Variants in CLIP3 observed in about 807,000 individuals in gnomAD.
The protein encoded by CLIP3 is CAP-Gly domain-containing linker protein 3.
In CLIP3, 15 loss-of-function variants were observed where a neutral mutation model predicts 59.4. The ratio of observed to expected loss-of-function variants is 0.25; its 90% CI spans 0.17 to 0.39. CLIP3 has a LOEUF of 0.39. CLIP3 is among the 10% of genes least tolerant of loss of function. The probability of loss-of-function intolerance (pLI) is 1.00; values close to 1 mark genes in which losing one functional copy is unlikely to be tolerated. For synonymous variants in CLIP3, 300 were observed against 321.6 expected, an observed-to-expected ratio of 0.93 and a Z score of 0.72; for missense variants, 495 against 765.7, an observed-to-expected ratio of 0.65 and a Z score of 4.17.
Position 36,026,944 on chromosome 19 carries a change from GC to G in CLIP3, c.400+7del. 4 of 1,532,944 alleles carry G rather than the reference GC, an allele frequency of 2.6e-6. No homozygotes were observed. Among genetic ancestry groups the G allele is most frequent in the Non-Finnish European group, 3.5e-6 (4 of 1,142,560 alleles). The allele number at this position is 1,532,944 out of a possible 1,614,324, so 95.0% of individuals were successfully genotyped here. ...GGGGCTTATGACTTGGGGGTAGGGG[GC>G]CCTCACCGACTCCGTGGGCCCCAGC... On this transcript the variant is annotated splice_region_variant and intron_variant, in intron 4 of 13. Coordinates refer to ENST00000360535, the MANE Select transcript of CLIP3 (RefSeq NM_015526.3). The surrounding 1 kb of genome is among the most constrained non-coding windows in gnomAD (Gnocchi z 6.3).
chr19:36,018,945 C>A lies in CLIP3; in HGVS notation c.1136G>T (p.Arg379Leu). ...GCCGGTGACACGGGAGAAGTCCATC[C>A]GGGGGGTCCGGGGTGTGGAGGTGAC... ...SSVTSTPRTPRMDFSRVTGKG... is the reference protein window; with the variant it reads ...SSVTSTPRTPLMDFSRVTGKG... The change falls in exon 9 of 14, where the codon CGG becomes CTG. Residue 379 changes from arginine (R) to leucine (L), a missense_variant. Physicochemically the swap from Arg to Leu is moderately radical, Grantham distance 102. Transcript: ENST00000360535. The A allele has an allele frequency of 6.2e-7, 1 of 1,611,988 alleles. No individual in the cohort carries two copies. Among genetic ancestry groups the A allele is most frequent in the Non-Finnish European group, 8.5e-7 (1 of 1,178,982 alleles).
chr19:36,028,530 T>C (rs1189858519), intron 2 of CLIP3, among the ~76,000 whole-genome samples: 4 of 152,058 alleles, frequency 2.6e-5, no homozygotes. Flanking sequence ...ACTCAGTGCG[T>C]GGTGAATGAA....
chr19:36,032,317 C>G lies in CLIP3; in HGVS notation c.41G>C (p.Arg14Pro). 1 of 1,273,498 alleles carries G rather than the reference C, an allele frequency of 7.9e-7. No homozygotes were observed. Among genetic ancestry groups the G allele is most frequent in the African/African-American group, 1.5e-5 (1 of 64,902 alleles). The allele number at this position is 1,273,498 out of a possible 1,614,324, so 78.9% of individuals were successfully genotyped here. The change falls in exon 2 of 14, where the codon CGA (arginine) becomes CCA (proline). Residue 14 changes from arginine (R) to proline (P), a missense_variant. By Grantham distance (103) the Arg-to-Pro change is moderately radical. Transcript: ENST00000360535. The surrounding 1 kb of genome is among the most constrained non-coding windows in gnomAD (Gnocchi z 4.3). ...CTCCTCCTCTTCTTCCTCCTCTCCT[C>G]GGGGTGGCGGGGCCATCGGGGCAGG... ...TDPAPMAPPP[R>P]GEEEEEEEED...
At chr19:36,021,740 A>G (rs572878690) in intron 7 of CLIP3, among the ~76,000 whole-genome samples, 12 of 152,066 alleles carry the variant, frequency 7.9e-5, no homozygotes, top group Non-Finnish European at 1.3e-4. Context: ...TTTTTAACAC[A>G]TGTAAACTTG....
At position 36,022,913 on chromosome 19, in the gene CLIP3, G is replaced by A. The variant is rs375843433; in HGVS notation, c.918+1483C>T. On this transcript the variant is annotated intron_variant, in intron 7 of 13. Transcript: ENST00000360535. ...TACTAAAAATACAAATAATTAGCCA[G>A]GCATGGTGGTGGGCACCTGTAGTCC... 7.9e-5 allele frequency among the ~76,000 whole-genome samples: 12 copies of A among 152,262 alleles called. No homozygotes were observed. The South Asian group carries it at 1.9e-3, about 24-fold the overall frequency.
intron 7 of CLIP3, 44 bp downstream of exon 7, chr19:36,024,352 T>TG: frequency 6.6e-7 from 1 of 1,525,722 alleles, no homozygotes; most frequent in Non-Finnish European, 9.0e-7. Flanking sequence ...AGGGGCTGAG[T>TG]CCCACCCCCA....
Position 36,032,268 on chromosome 19 carries a change from G to A in CLIP3, c.90C>T (p.Ala30=). The A allele has an allele frequency of 7.7e-7, 1 of 1,299,862 alleles. No individual in the cohort carries two copies. Among genetic ancestry groups the A allele is most frequent in the Non-Finnish European group, 9.9e-7 (1 of 1,014,588 alleles). The allele number at this position is 1,299,862 out of a possible 1,614,324, so 80.5% of individuals were successfully genotyped here. A position where few individuals can be genotyped will look rare whatever the true frequency, so the allele number is the denominator to read the frequency against. Residue 30 remains alanine (A), a synonymous_variant, in exon 2 of 14, where the codon GCC becomes GCT. Coordinates refer to ENST00000360535, the MANE Select transcript of CLIP3 (RefSeq NM_015526.3). This position sits in a 1 kb window ranked among gnomAD's most constrained non-coding sequence, Gnocchi z 4.3. ...EEEEDEPVPE[A]PSPTQERRQK... ...GCCGGCGCTCCTGGGTGGGGCTGGGGGCCTCGGGGACGGGTTCATCCTCCT... is the reference window on the plus strand; with the variant it reads ...GCCGGCGCTCCTGGGTGGGGCTGGGAGCCTCGGGGACGGGTTCATCCTCCT...
At chr19:36,021,955 T>A (rs1369105194) in intron 7 of CLIP3, among the ~76,000 whole-genome samples, 1 of 152,074 alleles carries the variant, frequency 6.6e-6, no homozygotes, top group African/African-American at 2.4e-5. Flanking sequence ...CTTGGCTCAC[T>A]GCAAGCTCCG....
At chr19:36,024,683 C>T (rs770199970) in intron 6 of CLIP3, 51 bp from the exon 7 acceptor site, 2 of 1,554,138 alleles carry the variant, frequency 1.3e-6, no homozygotes, top group Non-Finnish European at 1.8e-6. Context: ...CAGGTCACAC[C>T]CCCATGGAGG....
Position 36,016,303 on chromosome 19 carries a change from T to C in CLIP3, c.1590-91A>G, listed in dbSNP as rs537978280. 1.5e-5 allele frequency: 22 copies of C among 1,447,816 alleles called. No homozygotes were observed. In the South Asian group the frequency reaches 2.5e-4, roughly 16 times the overall value. The allele number at this position is 1,447,816 out of a possible 1,614,324, so 89.7% of individuals were successfully genotyped here. A position where few individuals can be genotyped will look rare whatever the true frequency, so the allele number is the denominator to read the frequency against. ...CCAGCCTTTCCCCCAGTGTTTGCTA[T>C]CAGGCCTTTCTGGATTCTGCCTCTA... On this transcript the variant is annotated intron_variant, in intron 13 of 13. Coordinates refer to ENST00000360535, the MANE Select transcript of CLIP3 (RefSeq NM_015526.3). The surrounding 1 kb of genome is among the most constrained non-coding windows in gnomAD (Gnocchi z 4.1).
rs781410612 is a variant in CLIP3 at position 36,017,723 on chromosome 19, G to A, written c.1383C>T (p.Val461=). ...DQPTGKHDGS[V]FGVRYFTCPP... ...GGCAAGTGAAGTACCGGACACCGAAGACAGAGCCATCATGCTTGCCTGTGG... is the reference window on the plus strand; with the variant it reads ...GGCAAGTGAAGTACCGGACACCGAAAACAGAGCCATCATGCTTGCCTGTGG... The change falls in exon 11 of 14, where the codon GTC becomes GTT. Residue 461 remains valine (V), a synonymous_variant. Transcript: ENST00000360535. 1 of 1,614,166 alleles carries A rather than the reference G, an allele frequency of 6.2e-7. No homozygotes were observed.
At chr19:36,030,654 T>G (rs977501805) in intron 2 of CLIP3, among the ~76,000 whole-genome samples, 1 of 152,210 alleles carries the variant, frequency 6.6e-6, no homozygotes, top group African/African-American at 2.4e-5. Context: ...CTTGCCACTC[T>G]TCTCCCCTGT....
Position 36,016,894 on chromosome 19 carries a change from G to A in CLIP3, c.1589+13C>T, listed in dbSNP as rs1968812415. The stretch of plus-strand genomic sequence containing the variant: ...ATGTCACATAGGAGAGGGGACAGGG[G>A]TTGGCCACACACCTGGAAATGGAGT... On this transcript the variant is annotated intron_variant, in intron 13 of 13. Transcript: ENST00000360535. The surrounding 1 kb of genome is among the most constrained non-coding windows in gnomAD (Gnocchi z 4.1). 1 of 1,613,022 alleles carries A rather than the reference G, an allele frequency of 6.2e-7. No homozygotes were observed. Among genetic ancestry groups the A allele is most frequent in the African/African-American group, 1.3e-5 (1 of 74,902 alleles).
rs545581428 is a variant in CLIP3, at chr19:36,027,678, G to A, written c.167-407C>T. ...AATCTCCAGAGCAAAAATAAATAAA[G>A]CCAGAAGTCCTGGTTTTTAATAAAA... On this transcript the variant is annotated intron_variant, in intron 2 of 13. Transcript: ENST00000360535. Among the ~76,000 whole-genome samples the A allele has an allele frequency of 2.0e-5, 3 of 152,286 alleles. No homozygotes were observed. The South Asian group carries it at 6.2e-4, about 32-fold the overall frequency.
rs1411704477 is a variant in CLIP3, at chr19:36,026,010, C to T, written c.681+137G>A. 5 of 653,482 alleles carry T rather than the reference C, an allele frequency of 7.7e-6. No individual in the cohort carries two copies. The highest frequency in any genetic ancestry group is 1.4e-5 in the Non-Finnish European group (5 of 357,848). 40.5% of individuals were successfully genotyped at this position (653,482 alleles called of 1,614,324 possible). On this transcript the variant is annotated intron_variant, in intron 6 of 13. Coordinates refer to ENST00000360535, the MANE Select transcript of CLIP3 (RefSeq NM_015526.3). This position sits in a 1 kb window ranked among gnomAD's most constrained non-coding sequence, Gnocchi z 6.3. ...GTAATGAACACTAGGCATATTTCAG[C>T]TGTTATTGCATTTGCTGAATGTACA...
At chr19:36,031,008 C>CTTTTTTTTTTTTTTTTT (rs374690845) in intron 2 of CLIP3, among the ~76,000 whole-genome samples, 41 of 77,848 alleles carry the variant, frequency 5.3e-4, no homozygotes, top group South Asian at 8.6e-4. Context: ...TTTTTCTTTT[C>CTTTTTTTTTTTTTTTTT]TTTTTTTTTT....
chr19:36,027,780 A>T (rs1211860085), intron 2 of CLIP3, among the ~76,000 whole-genome samples: 2 of 152,202 alleles, frequency 1.3e-5, no homozygotes, highest in Non-Finnish European at 2.9e-5. Flanking sequence ...CACATCTGTA[A>T]TCCCAATGCG....
Position 36,024,381 on chromosome 19 carries a change from A to G in CLIP3, c.918+15T>C, listed in dbSNP as rs953809298. On this transcript the variant is annotated intron_variant, in intron 7 of 13. Transcript: ENST00000360535. ...ACCCCCACCCACCATGCAAACACAC[A>G]TCCCAGCCCCTGACCTTCTGGCCAT... 3.1e-6 allele frequency: 5 copies of G among 1,606,370 alleles called. No individual in the cohort carries two copies. The highest frequency in any genetic ancestry group is 4.3e-6 in the Non-Finnish European group (5 of 1,174,772).
At position 36,032,379 on chromosome 19, in the gene CLIP3, G is replaced by A; in HGVS notation, c.-22C>T. 1.6e-6 allele frequency: 2 copies of A among 1,222,782 alleles called. No individual in the cohort carries two copies. Among genetic ancestry groups the A allele is most frequent in the Non-Finnish European group, 1.0e-6 (1 of 965,096 alleles). The allele number at this position is 1,222,782 out of a possible 1,614,324, so 75.7% of individuals were successfully genotyped here. On this transcript the variant is annotated 5_prime_UTR_variant, in exon 2 of 14. Coordinates refer to ENST00000360535, the MANE Select transcript of CLIP3 (RefSeq NM_015526.3). This position sits in a 1 kb window ranked among gnomAD's most constrained non-coding sequence, Gnocchi z 4.3. ...TCATGGTCCTCGGTGGCCCTCGGGG[G>A]GCGGGTGCAGAGTTGGGGGCAGCCT...
Sources: gnomAD v4.1 joint callset for allele counts (sites outside exome capture counted in the v4.1 genomes callset) on GRCh38, gnomAD v4.1.1 for gene constraint, Gnocchi (gnomAD v3.1) non-coding constraint, MANE v1.5 for transcripts, NCBI Gene and HGNC (gene_info 2026-07-23, HGNC 2026-07-21) for gene names.